The following RAD50 variants were observed in gnomAD, a reference collection of about 807,000 sequenced individuals.
The protein encoded by RAD50 is RAD50 double strand break repair protein.
In RAD50, 132 loss-of-function variants were observed where a neutral mutation model predicts 168.8. The ratio of observed to expected loss-of-function variants is 0.78; its 90% CI spans 0.68 to 0.90. The LOEUF (loss-of-function observed/expected upper bound fraction) is 0.90, where lower values mean the gene tolerates loss of function less well. Ranked by LOEUF, RAD50 falls within the 40% of genes least tolerant of loss-of-function variation. RAD50 has a pLI of 0.00. For missense variants in RAD50, 1,347 were observed against 1,534.4 expected (o/e 0.88, Z 2.04); for synonymous variants, 525 against 497.4 (o/e 1.06, Z -0.74).
chr5:132,592,368 C>T (rs531274468), intron 11 of RAD50, among the ~76,000 whole-genome samples: 134 of 151,998 alleles, frequency 8.8e-4, no homozygotes, highest in African/African-American at 3.1e-3. Context: ...AAATGGGTGC[C>T]CTTTAAAGAT....
At chr5:132,596,807 G>A (rs1360053166) in intron 13 of RAD50, among the ~76,000 whole-genome samples, 3 of 152,212 alleles carry the variant, frequency 2.0e-5, no homozygotes, top group African/African-American at 7.2e-5. Flanking sequence ...AAGAAGGGAG[G>A]AGCCAATGGA....
chr5:132,637,475 G>C (rs908161707), intron 22 of RAD50, among the ~76,000 whole-genome samples: 2 of 151,126 alleles, frequency 1.3e-5, no homozygotes, highest in African/African-American at 4.9e-5. Flanking sequence ...ATAGGGATAA[G>C]CCAAAATGCA....
Position 132,638,129 on chromosome 5 carries a change from C to T in RAD50, c.3524C>T (p.Ala1175Val). Residue 1175 changes from alanine (A) to valine (V), a missense_variant, in exon 23 of 25, where the codon GCT (alanine) becomes GTT (valine). This residue lies in a region of RAD50 where 635 missense variants were observed against 739.2 expected (regional missense o/e 0.86). Transcript: ENST00000378823. ...TCTGATGCCGATGAAAATGTATCAG[C>T]TTCTGATAAAAGGCGGAATTATAAC... ...IRSDADENVS[A>V]SDKRRNYNYR... 1 of 1,613,892 alleles carries T rather than the reference C, an allele frequency of 6.2e-7. No individual in the cohort carries two copies. Among genetic ancestry groups the T allele is most frequent in the Non-Finnish European group, 8.5e-7 (1 of 1,179,780 alleles).
chr5:132,643,554 C>T lies in RAD50; in HGVS notation c.*1190C>T, dbSNP rs1751782202. ...AACTGGGTCCAGAAGAGAATTAAGC[C>T]CTAAGGTCCTAAGGCATCTATCTGT... On this transcript the variant is annotated 3_prime_UTR_variant, in exon 25 of 25. Coordinates refer to ENST00000378823, the MANE Select transcript of RAD50 (RefSeq NM_005732.4). The T allele has an allele frequency of 4.3e-6, 1 of 232,396 alleles. No homozygotes were observed. The highest frequency in any genetic ancestry group is 8.5e-6 in the Non-Finnish European group (1 of 117,008). The allele number at this position is 232,396 out of a possible 1,614,324, so 14.4% of individuals were successfully genotyped here. A position where few individuals can be genotyped will look rare whatever the true frequency, so the allele number is the denominator to read the frequency against.
chr5:132,606,734 A>G (rs957874215), intron 16 of RAD50, among the ~76,000 whole-genome samples: 1 of 152,242 alleles, frequency 6.6e-6, no homozygotes, highest in Non-Finnish European at 1.5e-5. Flanking sequence ...AATACTGGCA[A>G]ACCGAATCCA....
At chr5:132,589,571 A>G in intron 8 of RAD50, 60 bp from the exon 9 acceptor site, 1 of 1,336,368 alleles carries the variant, frequency 7.5e-7, no homozygotes, top group South Asian at 1.5e-5. Flanking sequence ...TCCTTTTGCA[A>G]TTAAAAAACT....
intron 15 of RAD50, 94 bp downstream of exon 15, chr5:132,604,140 C>T (rs908782049): frequency 4.1e-6 from 6 of 1,457,318 alleles, no homozygotes; most frequent in Middle Eastern, 1.7e-4. Context: ...ACATGGACAA[C>T]GAAGTTCCTT....
rs770978368 is a variant in RAD50, at chr5:132,589,621, A to G, written c.1246-10A>G. ...AATTATTAATGCTCATTCTTTACAT[A>G]TGCATTTAGAATGACTTTGCAGAAA... On this transcript the variant is annotated splice_polypyrimidine_tract_variant and intron_variant, in intron 8 of 24. Transcript: ENST00000378823. 16 of 1,547,090 alleles carry G rather than the reference A, an allele frequency of 1.0e-5. No homozygotes were observed. In the Admixed American group the frequency reaches 1.3e-4, roughly 13 times the overall value.
intron 2 of RAD50, among the ~76,000 whole-genome samples, chr5:132,562,425 T>C (rs1167007771): frequency 6.6e-6 from 1 of 152,146 alleles, no homozygotes; most frequent in Non-Finnish European, 1.5e-5. Context: ...AATGTTTGGA[T>C]TTAGGATGTA....
At chr5:132,616,212 G>A (rs2149853080) in intron 20 of RAD50, 82 bp downstream of exon 20, 1 of 1,421,858 alleles carries the variant, frequency 7.0e-7, no homozygotes, top group South Asian at 1.2e-5. Context: ...TGTTTTAAAA[G>A]AATTTTAGCC....
chr5:132,562,826 G>A (rs755648842), intron 2 of RAD50, among the ~76,000 whole-genome samples: 17 of 152,168 alleles, frequency 1.1e-4, no homozygotes, highest in Admixed American at 2.0e-4. Context: ...CACTAGAGCC[G>A]ATGATGCCTT....
Position 132,611,188 on chromosome 5 carries a change from C to A in RAD50, c.3036+1792C>A, listed in dbSNP as rs528990452. On this transcript the variant is annotated intron_variant, in intron 19 of 24. Coordinates refer to ENST00000378823, the MANE Select transcript of RAD50 (RefSeq NM_005732.4). ...GACGGATCACCTGAGGTCAGGAGTTCAAGACTAGCCTGGCCAATATGGTAA... is the reference window on the plus strand; with the variant it reads ...GACGGATCACCTGAGGTCAGGAGTTAAAGACTAGCCTGGCCAATATGGTAA... Among the ~76,000 whole-genome samples, 4 of 150,606 alleles carry A rather than the reference C, an allele frequency of 2.7e-5. No individual in the cohort carries two copies. The East Asian group carries it at 8.0e-4, about 30-fold the overall frequency.
chr5:132,633,979 T>C (rs1238530468), intron 21 of RAD50, among the ~76,000 whole-genome samples: 1 of 152,242 alleles, frequency 6.6e-6, no homozygotes, highest in Non-Finnish European at 1.5e-5. Context: ...ACTAACGTTC[T>C]ATATGCATTT....
At chr5:132,561,818 G>A (rs1750129554) in intron 2 of RAD50, among the ~76,000 whole-genome samples, 1 of 149,574 alleles carries the variant, frequency 6.7e-6, no homozygotes, top group African/African-American at 2.5e-5. Context: ...TGTAAATGAT[G>A]TCATCATCCC....
chr5:132,619,619 A>G (rs749522857), intron 21 of RAD50, among the ~76,000 whole-genome samples: 1 of 151,832 alleles, frequency 6.6e-6, no homozygotes, highest in African/African-American at 2.4e-5. Flanking sequence ...CTGCATTTCA[A>G]TTCCTTTTCA....
chr5:132,626,257 A>G (rs1186554062), intron 21 of RAD50, among the ~76,000 whole-genome samples: 1 of 152,220 alleles, frequency 6.6e-6, no homozygotes, highest in Non-Finnish European at 1.5e-5. Flanking sequence ...TGCAATAAAT[A>G]TGGGAGTGCA....
In RAD50 at chr5:132,643,773, A is replaced by C. The variant is rs1751792930; in HGVS notation, c.*1409A>C. The C allele has an allele frequency of 4.3e-6, 1 of 231,360 alleles. No individual in the cohort carries two copies. The highest frequency in any genetic ancestry group is 8.6e-6 in the Non-Finnish European group (1 of 116,878). The allele number at this position is 231,360 out of a possible 1,614,324, so 14.3% of individuals were successfully genotyped here. Reference sequence around the variant, plus strand: ...CACGAGTAAGATTAAGAGCAAATCAATTCTAGTCATATATTAAACATCCAC... The same window carrying C: ...CACGAGTAAGATTAAGAGCAAATCACTTCTAGTCATATATTAAACATCCAC... On this transcript the variant is annotated 3_prime_UTR_variant, in exon 25 of 25. Coordinates refer to ENST00000378823, the MANE Select transcript of RAD50 (RefSeq NM_005732.4).
chr5:132,602,786 C>G (rs1237276526), intron 13 of RAD50, among the ~76,000 whole-genome samples: 1 of 152,126 alleles, frequency 6.6e-6, no homozygotes, highest in Non-Finnish European at 1.5e-5. Flanking sequence ...TTTTCTGTTT[C>G]AGGGTTCCAT....
intron 21 of RAD50, among the ~76,000 whole-genome samples, chr5:132,627,913 G>T (rs1009248951): frequency 6.6e-6 from 1 of 152,198 alleles, no homozygotes; most frequent in East Asian, 1.9e-4. Flanking sequence ...GGAGAGAAGT[G>T]ATAGACTTGG....
Sources: gnomAD v4.1 joint callset for allele counts (sites outside exome capture counted in the v4.1 genomes callset) on GRCh38, gnomAD v4.1.1 for gene constraint, gnomAD v4.1.1 regional missense constraint, MANE v1.5 for transcripts, NCBI Gene and HGNC (gene_info 2026-07-23, HGNC 2026-07-21) for gene names.